The following SGCD variants were observed in gnomAD, a reference collection of about 807,000 sequenced individuals.
The protein encoded by SGCD is sarcoglycan delta, also known as delta-sarcoglycan.
SGCD carries 18 observed loss-of-function variants against 36.6 expected under a neutral mutation model. The observed-to-expected ratio is 0.49, with a 90% CI of 0.34 to 0.73. The LOEUF is 0.73. SGCD is among the 30% of genes least tolerant of loss of function. The pLI is 0.01. For synonymous variants in SGCD, 133 were observed against 130.6 expected (o/e 1.02, Z -0.12); for missense variants, 387 against 346.7 (o/e 1.12, Z -0.92).
chr5:156,362,705 T>C (rs1300616377), intron 3 of SGCD, among the ~76,000 whole-genome samples: 2 of 152,282 alleles, frequency 1.3e-5, no homozygotes, highest in East Asian at 3.9e-4. Context: ...ACCTCGTGGC[T>C]AGTCTCTGGG....
intron 7 of SGCD, among the ~76,000 whole-genome samples, chr5:156,747,208 G>A (rs1756976446): frequency 1.3e-5 from 2 of 152,148 alleles, no homozygotes; most frequent in Non-Finnish European, 2.9e-5. Context: ...CAACATCAAT[G>A]GTGATAGGAA....
At chr5:155,797,103 CA>C in the SGCD span, among the ~76,000 whole-genome samples, 5 of 152,040 alleles carry the variant, frequency 3.3e-5, no homozygotes, top group Non-Finnish European at 7.4e-5. Flanking sequence ...TTTCATTAAT[CA>C]ATTTGAAAAT....
the SGCD span, among the ~76,000 whole-genome samples, chr5:155,729,626 G>A: frequency 6.6e-6 from 1 of 152,200 alleles, no homozygotes; most frequent in Admixed American, 6.5e-5. Flanking sequence ...CAGGTGGCCT[G>A]CGCGGGCATC....
intron 6 of SGCD, among the ~76,000 whole-genome samples, chr5:156,640,999 C>G (rs1318630477): frequency 6.6e-6 from 1 of 152,162 alleles, no homozygotes; most frequent in Non-Finnish European, 1.5e-5. Flanking sequence ...CTTCCCTGTG[C>G]TTAATCCTGA....
chr5:155,757,654 C>G, the SGCD span, among the ~76,000 whole-genome samples: 1 of 152,056 alleles, frequency 6.6e-6, no homozygotes, highest in African/African-American at 2.4e-5. Flanking sequence ...AGGGACATGC[C>G]CCGGGTTGTA....
At chr5:156,096,505 CA>C (rs1419839561) in intron 1 of SGCD, among the ~76,000 whole-genome samples, 2 of 152,010 alleles carry the variant, frequency 1.3e-5, no homozygotes, top group Non-Finnish European at 2.9e-5. Context: ...TGACTTGTTC[CA>C]ATAACTTATA....
At chr5:156,429,265 C>CTTTTTTTTTTTTT (rs3074973) in intron 3 of SGCD, among the ~76,000 whole-genome samples, 1 of 123,796 alleles carries the variant, frequency 8.1e-6, no homozygotes, top group African/African-American at 2.9e-5. Context: ...CCCTCATTGT[C>CTTTTTTTTTTTTT]TTTTTTTTTT....
chr5:156,051,021 G>A (rs1759902625), intron 1 of SGCD, among the ~76,000 whole-genome samples: 1 of 146,054 alleles, frequency 6.8e-6, no homozygotes, highest in South Asian at 2.1e-4. Flanking sequence ...GAGCATTCTT[G>A]GAGAACCATT....
chr5:156,745,425 G>T (rs527545793), intron 7 of SGCD, among the ~76,000 whole-genome samples: 3 of 152,194 alleles, frequency 2.0e-5, no homozygotes, highest in Admixed American at 2.0e-4. Flanking sequence ...CCAAGTTCAC[G>T]GTGGCACCAG....
At chr5:156,271,131 T>A (rs1250542742) in intron 3 of SGCD, among the ~76,000 whole-genome samples, 2 of 152,182 alleles carry the variant, frequency 1.3e-5, no homozygotes, top group East Asian at 3.9e-4. Context: ...TAAACAACTA[T>A]TCTTAGGAAG....
intron 2 of SGCD, among the ~76,000 whole-genome samples, chr5:156,330,276 G>A (rs910314035): frequency 1.3e-5 from 2 of 152,086 alleles, no homozygotes; most frequent in Admixed American, 6.5e-5. Context: ...AAACACTTCT[G>A]GTTTCAAGCA....
In SGCD at chr5:155,958,237, C is replaced by G. The variant is rs956403311; in HGVS notation, c.-282+87813C>G. Among the ~76,000 whole-genome samples, 3 of 152,026 alleles carry G rather than the reference C, an allele frequency of 2.0e-5. No homozygotes were observed. The East Asian group carries it at 5.8e-4, about 29-fold the overall frequency. On this transcript the variant is annotated intron_variant, in intron 1 of 9. Coordinates refer to the SGCD transcript ENST00000517913. ...GTATTAATGAAAGTTAGTTGACTTTCATTGATTGGGTACCTTGTGATGGTT... is the reference window on the plus strand; with the variant it reads ...GTATTAATGAAAGTTAGTTGACTTTGATTGATTGGGTACCTTGTGATGGTT...
intron 3 of SGCD, among the ~76,000 whole-genome samples, chr5:156,131,727 T>C (rs939780364): frequency 1.1e-4 from 17 of 152,200 alleles, no homozygotes; most frequent in African/African-American, 4.1e-4. Context: ...ACATAGGAAA[T>C]TGTGTTGAGG....
At chr5:156,472,714 T>C (rs77010810) in intron 3 of SGCD, among the ~76,000 whole-genome samples, 2,954 of 152,310 alleles carry the variant, frequency 0.019, 33 homozygotes, top group Non-Finnish European at 0.032. Flanking sequence ...TAAGCCACCA[T>C]GCCCAGCCAT....
intron 1 of SGCD, among the ~76,000 whole-genome samples, chr5:156,016,606 T>C (rs1008725058): frequency 4.6e-5 from 7 of 152,164 alleles, no homozygotes; most frequent in Admixed American, 2.6e-4. Flanking sequence ...GATACACATA[T>C]GTTTTCTTAC....
chr5:156,153,334 T>A (rs1456431778), intron 3 of SGCD, among the ~76,000 whole-genome samples: 1 of 151,574 alleles, frequency 6.6e-6, no homozygotes, highest in Admixed American at 6.6e-5. Flanking sequence ...TGATGAGGTT[T>A]TTAACGTGGG....
At chr5:156,360,929 C>T (rs1376477309) in intron 3 of SGCD, among the ~76,000 whole-genome samples, 2 of 152,086 alleles carry the variant, frequency 1.3e-5, no homozygotes, top group African/African-American at 4.8e-5. Flanking sequence ...GCTGTCACAC[C>T]AGCCGTTTGC....
chr5:156,586,406 G>A (rs910558433), intron 4 of SGCD, among the ~76,000 whole-genome samples: 8 of 152,180 alleles, frequency 5.3e-5, no homozygotes, highest in Non-Finnish European at 1.2e-4. Context: ...GGCTGAGGTA[G>A]TGTTGGTCAG....
chr5:156,282,025 C>G (rs1019579521), intron 3 of SGCD, among the ~76,000 whole-genome samples: 17 of 150,220 alleles, frequency 1.1e-4, no homozygotes, highest in African/African-American at 4.0e-4. Flanking sequence ...AGCGAGACTC[C>G]ATATCCAAAA....
Sources: gnomAD v4.1 joint callset for allele counts (sites outside exome capture counted in the v4.1 genomes callset) on GRCh38, gnomAD v4.1.1 for gene constraint, MANE v1.5 for transcripts, NCBI Gene and HGNC (gene_info 2026-07-23, HGNC 2026-07-21) for gene names.